The following PAK5 variants were observed in gnomAD, a reference collection of about 807,000 sequenced individuals.
The protein encoded by PAK5 is serine/threonine-protein kinase PAK 5.
A neutral mutation model predicts 65.9 loss-of-function variants in PAK5; 16 were observed. That is an observed-to-expected ratio of 0.24 (90% CI 0.16 to 0.37). PAK5 has a LOEUF of 0.37. PAK5 is among the 10% of genes least tolerant of loss of function. The pLI, the probability that PAK5 is intolerant of heterozygous loss-of-function variation, is 1.00. For synonymous variants in PAK5, 371 were observed against 354.9 expected (o/e 1.05, Z -0.51); for missense variants, 785 against 903.9 (o/e 0.87, Z 1.69).
chr20:9,748,886 T>C (rs892283458), intron 1 of PAK5, among the ~76,000 whole-genome samples: 1 of 152,192 alleles, frequency 6.6e-6, no homozygotes, highest in Non-Finnish European at 1.5e-5. Context: ...CCACAGTGGC[T>C]AGTGGCTGCC....
intron 1 of PAK5, among the ~76,000 whole-genome samples, chr20:9,752,798 C>T (rs1220413424): frequency 6.6e-6 from 1 of 152,130 alleles, no homozygotes; most frequent in African/African-American, 2.4e-5. Context: ...TTCACAACCC[C>T]TCTCATCAAG....
chr20:9,837,845 CA>C (rs1979269081), intron 1 of PAK5, among the ~76,000 whole-genome samples: 1 of 152,112 alleles, frequency 6.6e-6, no homozygotes, highest in Admixed American at 6.5e-5. Context: ...GGCTTTGTGC[CA>C]ACTTTTCTTT....
intron 2 of PAK5, among the ~76,000 whole-genome samples, chr20:9,674,158 C>T (rs946939953): frequency 3.9e-5 from 6 of 152,158 alleles, no homozygotes; most frequent in African/African-American, 1.4e-4. Context: ...GAGAATGGCA[C>T]GGCCTTGCTG....
At chr20:9,698,187 C>T (rs911303814) in intron 2 of PAK5, among the ~76,000 whole-genome samples, 18 of 151,878 alleles carry the variant, frequency 1.2e-4, no homozygotes, top group African/African-American at 3.9e-4. Context: ...TGGTATAACC[C>T]CTCAACTATA....
intron 2 of PAK5, among the ~76,000 whole-genome samples, chr20:9,659,883 C>A (rs376855709): frequency 5.8e-4 from 88 of 152,088 alleles, no homozygotes; most frequent in African/African-American, 2.0e-3. Flanking sequence ...GTATAGAAAC[C>A]CCTGCTATGG....
At chr20:9,618,144 A>C (rs2046694824) in intron 3 of PAK5, among the ~76,000 whole-genome samples, 1 of 152,176 alleles carries the variant, frequency 6.6e-6, no homozygotes, top group Non-Finnish European at 1.5e-5. Flanking sequence ...ATGACAGCAT[A>C]CTCCAAGGAA....
At chr20:9,579,198 A>C (rs1397666963) in intron 4 of PAK5, among the ~76,000 whole-genome samples, 1 of 152,194 alleles carries the variant, frequency 6.6e-6, no homozygotes, top group East Asian at 1.9e-4. Flanking sequence ...AAAGTACATG[A>C]CTGCCCTGTG....
chr20:9,621,064 A>G (rs2046759193), intron 3 of PAK5, among the ~76,000 whole-genome samples: 1 of 152,082 alleles, frequency 6.6e-6, no homozygotes, highest in Non-Finnish European at 1.5e-5. Context: ...CTTGAATGTA[A>G]AAAGCAACAA....
At chr20:9,597,557 TCTC>T (rs1221143824) in intron 3 of PAK5, among the ~76,000 whole-genome samples, 1 of 152,170 alleles carries the variant, frequency 6.6e-6, no homozygotes, top group Non-Finnish European at 1.5e-5. Flanking sequence ...TGGTTCCAAT[TCTC>T]CTCTTCTGTC....
At chr20:9,670,614 G>T (rs562170319) in intron 2 of PAK5, among the ~76,000 whole-genome samples, 2 of 152,266 alleles carry the variant, frequency 1.3e-5, no homozygotes, top group South Asian at 4.1e-4. Context: ...CTTTTTAAAT[G>T]GGGTTGTTTG....
intron 1 of PAK5, among the ~76,000 whole-genome samples, chr20:9,780,577 A>G (rs917550939): frequency 6.6e-6 from 1 of 152,064 alleles, no homozygotes; most frequent in Non-Finnish European, 1.5e-5. Context: ...TATTATGACT[A>G]ATCAAGATTT....
intron 1 of PAK5, among the ~76,000 whole-genome samples, chr20:9,784,919 A>G (rs2048977108): frequency 6.6e-6 from 1 of 152,170 alleles, no homozygotes; most frequent in Non-Finnish European, 1.5e-5. Flanking sequence ...TAAAGTGTGT[A>G]TCAAATTGAA....
chr20:9,606,455 G>C (rs2046456498), intron 3 of PAK5, among the ~76,000 whole-genome samples: 1 of 152,156 alleles, frequency 6.6e-6, no homozygotes, highest in African/African-American at 2.4e-5. Flanking sequence ...ATACACAGGT[G>C]CTTGTCAAGT....
chr20:9,678,710 T>A (rs2047608835), intron 2 of PAK5, among the ~76,000 whole-genome samples: 1 of 152,048 alleles, frequency 6.6e-6, no homozygotes, highest in African/African-American at 2.4e-5. Flanking sequence ...ATGTCCTTCT[T>A]CACATGGACA....
At chr20:9,579,380 C>T (rs769027849) in intron 4 of PAK5, among the ~76,000 whole-genome samples, 15 of 152,176 alleles carry the variant, frequency 9.9e-5, no homozygotes, top group African/African-American at 3.1e-4. Context: ...TTTAGACCTT[C>T]GGACCCATAG....
chr20:9,618,883 T>C lies in PAK5; in HGVS notation c.204+25242A>G, dbSNP rs1489793949. On this transcript the variant is annotated intron_variant, in intron 3 of 9. Coordinates refer to ENST00000353224, the MANE Select transcript of PAK5 (RefSeq NM_177990.4). ...GGAAGAAAGGAAGGTAGAAAGTGGC[T>C]TCTCTCAGATTCTTTTCTCTCTCTT... Among the ~76,000 whole-genome samples, 7 of 148,056 alleles carry C rather than the reference T, an allele frequency of 4.7e-5. No homozygotes were observed. The Admixed American group carries it at 4.8e-4, about 10-fold the overall frequency.
intron 3 of PAK5, among the ~76,000 whole-genome samples, chr20:9,619,900 C>A (rs1255199722): frequency 2.0e-5 from 3 of 152,188 alleles, no homozygotes; most frequent in Admixed American, 6.5e-5. Context: ...GTGCTCTCAG[C>A]CAATCATTAG....
chr20:9,540,805 G>C (rs2045250013), intron 9 of PAK5, among the ~76,000 whole-genome samples: 5 of 149,952 alleles, frequency 3.3e-5, no homozygotes, highest in Non-Finnish European at 7.4e-5. Context: ...GGTGCGATCT[G>C]GGCTCACTGC....
rs2049208234 is a variant in PAK5 at position 9,804,510 on chromosome 20, A to C, written c.-162+34252T>G. Among the ~76,000 whole-genome samples, 8 of 152,220 alleles carry C rather than the reference A, an allele frequency of 5.3e-5. No homozygotes were observed. In the South Asian group the frequency reaches 1.4e-3, roughly 28 times the overall value. On this transcript the variant is annotated intron_variant, in intron 1 of 9. Transcript: ENST00000353224. Reference sequence around the variant, plus strand: ...ATGGTGCTGAGACAATTAAATATCCACATACAAAAGAATAAATTTGACCAT... The same window carrying C: ...ATGGTGCTGAGACAATTAAATATCCCCATACAAAAGAATAAATTTGACCAT...
Sources: gnomAD v4.1 joint callset for allele counts (sites outside exome capture counted in the v4.1 genomes callset) on GRCh38, gnomAD v4.1.1 for gene constraint, MANE v1.5 for transcripts, NCBI Gene and HGNC (gene_info 2026-07-23, HGNC 2026-07-21) for gene names.